Variants in SLC9A7 observed in about 807,000 individuals in gnomAD.
The protein encoded by SLC9A7 is sodium/hydrogen exchanger 7.
In SLC9A7, 19 loss-of-function variants were observed where a neutral mutation model predicts 52.6. The observed-to-expected ratio is 0.36, with a 90% CI of 0.25 to 0.53. The LOEUF is 0.53. Among genes scored for constraint, SLC9A7 ranks in the 20% least tolerant of loss-of-function variants. SLC9A7 has a pLI of 0.91. For missense variants in SLC9A7, 455 were observed against 597.9 expected (o/e 0.76, Z 2.49); for synonymous variants, 226 against 252.1 (o/e 0.90, Z 0.98).
At chrX:46,723,036 G>A (rs1293598563) in intron 1 of SLC9A7, among the ~76,000 whole-genome samples, 1 of 110,932 alleles carries the variant, frequency 9.0e-6, no homozygotes, top group Non-Finnish European at 1.9e-5. Flanking sequence ...TTACAATGCC[G>A]ACCTAGAAAC....
chrX:46,666,829 G>A (rs748859305), intron 5 of SLC9A7, among the ~76,000 whole-genome samples: 24 of 112,347 alleles, frequency 2.1e-4, no homozygotes, highest in Middle Eastern at 4.6e-3. Context: ...TAAGATGTCA[G>A]TAATAAAATT....
At chrX:46,631,894 G>A (rs1054145834) in intron 13 of SLC9A7, among the ~76,000 whole-genome samples, 1 of 111,807 alleles carries the variant, frequency 8.9e-6, no homozygotes, top group Non-Finnish European at 1.9e-5. Context: ...CAAGGCCGCC[G>A]GAACACAACA....
At position 46,600,538 on chromosome X, in the gene SLC9A7, A is replaced by G. The variant is rs1450730712; in HGVS notation, c.*6414T>C. On this transcript the variant is annotated 3_prime_UTR_variant, in exon 17 of 17. Coordinates refer to ENST00000616978, the MANE Select transcript of SLC9A7 (RefSeq NM_001257291.2). ...AGAAAACCGGCTGCCTGTGTGTTCC[A>G]TATGGGCCACGACTATAGTATACCC... 1 of 112,070 alleles carries G rather than the reference A, an allele frequency of 8.9e-6. No homozygotes were observed. Among genetic ancestry groups the G allele is most frequent in the Non-Finnish European group, 1.9e-5 (1 of 53,247 alleles). 9.2% of individuals were successfully genotyped at this position (112,070 alleles called of 1,213,427 possible).
intron 5 of SLC9A7, among the ~76,000 whole-genome samples, chrX:46,664,706 C>T (rs750638579): frequency 2.0e-4 from 22 of 111,338 alleles, no homozygotes; most frequent in African/African-American, 7.2e-4. Context: ...TTCCCTGACA[C>T]TATCATTTGG....
chrX:46,725,558 G>T, intron 1 of SLC9A7: 1 of 970,611 alleles, frequency 1.0e-6, no homozygotes, highest in Non-Finnish European at 1.5e-6. Context: ...GTTCTATGTT[G>T]AATGACTATT....
chrX:46,661,089 G>T (rs1246726146), intron 7 of SLC9A7, among the ~76,000 whole-genome samples: 2 of 111,018 alleles, frequency 1.8e-5, no homozygotes, highest in African/African-American at 6.6e-5. Flanking sequence ...GGATGAAACT[G>T]GAAATCATCA....
intron 11 of SLC9A7, among the ~76,000 whole-genome samples, chrX:46,648,028 T>C (rs1457531782): frequency 1.8e-5 from 2 of 112,609 alleles, no homozygotes; most frequent in Non-Finnish European, 3.8e-5. Flanking sequence ...GCTCTCTCCT[T>C]ACTCTACTTC....
intron 1 of SLC9A7, among the ~76,000 whole-genome samples, chrX:46,757,301 G>A (rs1556293117): frequency 1.8e-5 from 2 of 111,916 alleles, no homozygotes; most frequent in African/African-American, 6.5e-5. Flanking sequence ...GCCAAAGTCT[G>A]TGTTGAGACC....
Position 46,723,556 on chromosome X carries a change from G to A in SLC9A7, c.325+35149C>T, listed in dbSNP as rs59807825. ...AAGAGGAGGGGGAAATACACCTTCC[G>A]ACCTCAAGAATTTTGGAGAGGGGGC... On this transcript the variant is annotated intron_variant, in intron 1 of 16. Coordinates refer to ENST00000616978, the MANE Select transcript of SLC9A7 (RefSeq NM_001257291.2). 9.3e-3 allele frequency among the ~76,000 whole-genome samples: 1,033 copies of A among 110,669 alleles called. 46 individuals are homozygous for A. The East Asian group carries it at 0.15, about 16-fold the overall frequency.
chrX:46,686,522 A>C (rs1202340126), intron 1 of SLC9A7, among the ~76,000 whole-genome samples: 1 of 112,335 alleles, frequency 8.9e-6, no homozygotes, highest in African/African-American at 3.2e-5. Context: ...AAACATGAAC[A>C]GCATATTTTC....
At chrX:46,754,021 T>G (rs1556290273) in intron 1 of SLC9A7, among the ~76,000 whole-genome samples, 1 of 108,145 alleles carries the variant, frequency 9.2e-6, no homozygotes, top group African/African-American at 3.4e-5. Context: ...AAATAAAATT[T>G]TAAAAGGGTA....
chrX:46,636,605 A>G (rs760035378), intron 12 of SLC9A7, among the ~76,000 whole-genome samples: 6 of 110,056 alleles, frequency 5.5e-5, no homozygotes, highest in Non-Finnish European at 1.1e-4. Flanking sequence ...AGGCAGTATC[A>G]CCCTCATGGG....
At chrX:46,611,044 A>G (rs1328975386) in intron 16 of SLC9A7, among the ~76,000 whole-genome samples, 1 of 111,644 alleles carries the variant, frequency 9.0e-6, no homozygotes, top group African/African-American at 3.3e-5. Context: ...TTAAGATCAG[A>G]AAGTGTAATC....
At chrX:46,725,219 C>T (rs878991757) in intron 1 of SLC9A7, 7 of 1,011,587 alleles carry the variant, frequency 6.9e-6, no homozygotes, top group East Asian at 6.1e-5. Flanking sequence ...CCTTGTTTTT[C>T]GTATCAGTGG....
rs1942760833 is a variant in SLC9A7 at position 46,607,126 on chromosome X, G to A, written c.2007C>T (p.Ser669=). 8.3e-7 allele frequency: 1 copy of A among 1,209,296 alleles called. No homozygotes were observed. The highest frequency in any genetic ancestry group is 1.1e-6 in the Non-Finnish European group (1 of 894,913). The part of the protein sequence containing the change: ...EGDLTLTYGD[S]TVTANGSSSS... ...TTGAGGAGCCATTTGCAGTCACTGT[G>A]CTGTCCCCGTAGGTCAATGTCAGGT... is the stretch of plus-strand genomic sequence containing the variant. The change falls in exon 17 of 17, where the codon AGC becomes AGT. Residue 669 remains serine, a synonymous_variant. Transcript: ENST00000616978.
At chrX:46,707,666 T>C (rs1187108640) in intron 1 of SLC9A7, among the ~76,000 whole-genome samples, 1 of 112,450 alleles carries the variant, frequency 8.9e-6, no homozygotes, top group Non-Finnish European at 1.9e-5. Flanking sequence ...TGACAGCATC[T>C]AAGCAAAAGA....
At chrX:46,639,046 T>C (rs1235341816) in intron 12 of SLC9A7, among the ~76,000 whole-genome samples, 1 of 112,525 alleles carries the variant, frequency 8.9e-6, no homozygotes, top group Non-Finnish European at 1.9e-5. Context: ...ACAAGGCTGG[T>C]TCAATATTTG....
intron 3 of SLC9A7, among the ~76,000 whole-genome samples, chrX:46,674,127 T>G (rs1944070925): frequency 9.0e-6 from 1 of 111,572 alleles, no homozygotes; most frequent in Admixed American, 9.6e-5. Context: ...TTGTGAGGTA[T>G]CCAAGAACAA....
At chrX:46,678,867 C>CA (rs1944165696) in intron 3 of SLC9A7, among the ~76,000 whole-genome samples, 1 of 111,518 alleles carries the variant, frequency 9.0e-6, no homozygotes, top group African/African-American at 3.3e-5. Context: ...GGTACAATAT[C>CA]AAAACCAAGA....
Sources: allele counts gnomAD v4.1 joint callset (sites outside exome capture counted in the v4.1 genomes callset), GRCh38; gene constraint gnomAD v4.1.1; transcripts MANE v1.5; gene names NCBI Gene and HGNC (gene_info 2026-07-23, HGNC 2026-07-21).